The following MAD1L1 variants were observed in gnomAD, a reference collection of about 807,000 sequenced individuals.
MAD1L1 encodes mitotic spindle assembly checkpoint protein MAD1.
MAD1L1 carries 95 observed loss-of-function variants against 96.9 expected under a neutral mutation model. The observed-to-expected ratio is 0.98, with a 90% confidence interval of 0.83 to 1.16. The LOEUF is 1.16. MAD1L1 is among the 50% of genes most tolerant of loss of function. MAD1L1 has a pLI of 0.00. For synonymous variants in MAD1L1, 473 were observed against 396.6 expected, an observed-to-expected ratio of 1.19 and a Z score of -2.29; for missense variants, 1,007 against 954.4, an observed-to-expected ratio of 1.06 and a Z score of -0.73.
At chr7:1,888,711 G>A (rs113723808) in intron 18 of MAD1L1, among the ~76,000 whole-genome samples, 1 of 152,162 alleles carries the variant, frequency 6.6e-6, no homozygotes, top group African/African-American at 2.4e-5. Context: ...GTGTGTGGCT[G>A]CCCGTGCATG....
chr7:1,870,203 T>TGCTGAACCCAACATATGCCTGCCAC (rs1784979598), intron 18 of MAD1L1, among the ~76,000 whole-genome samples: 1 of 150,808 alleles, frequency 6.6e-6, no homozygotes, highest in Non-Finnish European at 1.5e-5. Flanking sequence ...ATGCCTGCCA[T>TGCTGAACCCAACATATGCCTGCCAC]GCTGAACCCA....
chr7:2,223,371 A>G (rs1793713380), intron 4 of MAD1L1: 1 of 152,230 alleles, frequency 6.6e-6, no homozygotes, highest in Non-Finnish European at 1.5e-5. Flanking sequence ...ACCAAGCACC[A>G]CGCTCAGACC....
At chr7:2,001,867 C>T (rs1304571568) in intron 14 of MAD1L1, among the ~76,000 whole-genome samples, 198 bp downstream of exon 14, 3 of 152,374 alleles carry the variant, frequency 2.0e-5, no homozygotes, top group Admixed American at 6.5e-5. Context: ...TGCTCCCCGC[C>T]GGCGCATGCC....
intron 12 of MAD1L1, among the ~76,000 whole-genome samples, chr7:2,061,898 C>T (rs1185283575): frequency 6.6e-6 from 1 of 152,174 alleles, no homozygotes; most frequent in African/African-American, 2.4e-5. Flanking sequence ...GTAATGGAAG[C>T]CAGGGACTAA....
intron 12 of MAD1L1, among the ~76,000 whole-genome samples, chr7:2,034,388 T>C (rs1018020852): frequency 3.9e-5 from 6 of 152,170 alleles, no homozygotes; most frequent in South Asian, 4.2e-4. Context: ...AGCTAATTTT[T>C]TGTATTTTAG....
intron 15 of MAD1L1, among the ~76,000 whole-genome samples, chr7:1,975,842 C>T (rs373052396): frequency 1.3e-5 from 2 of 152,174 alleles, no homozygotes; most frequent in African/African-American, 4.8e-5. Flanking sequence ...ATCACACGGC[C>T]GGGAAGCGAG....
At chr7:1,963,392 A>G (rs575124080) in intron 15 of MAD1L1, among the ~76,000 whole-genome samples, 111 of 152,254 alleles carry the variant, frequency 7.3e-4, no homozygotes, top group Non-Finnish European at 1.5e-3. Flanking sequence ...ATCTACAGTG[A>G]TGGAAAGCAC....
chr7:1,859,427 G>C lies in MAD1L1; in HGVS notation c.1998+38773C>G, dbSNP rs1216382014. Among the ~76,000 whole-genome samples the C allele has an allele frequency of 2.0e-5, 3 of 152,338 alleles. No homozygotes were observed. The South Asian group carries it at 6.2e-4, about 32-fold the overall frequency. The stretch of plus-strand genomic sequence containing the variant: ...GCAGAGCCACAGGGATATGTGTTTC[G>C]GCTACCGTGCAAAGGGCTTTGAAAA... On this transcript the variant is annotated intron_variant, in intron 18 of 18. Transcript: ENST00000265854.
intron 11 of MAD1L1, among the ~76,000 whole-genome samples, chr7:2,098,761 T>C (rs1175691772): frequency 1.3e-5 from 2 of 152,052 alleles, no homozygotes; most frequent in Non-Finnish European, 2.9e-5. Flanking sequence ...GCAATGAAGA[T>C]CTACACACCA....
chr7:2,152,153 G>A (rs1189103855), intron 10 of MAD1L1, among the ~76,000 whole-genome samples: 1 of 152,236 alleles, frequency 6.6e-6, no homozygotes, highest in Non-Finnish European at 1.5e-5. Flanking sequence ...GTCCCACACA[G>A]ACCCCAGCCC....
chr7:1,949,325 C>T (rs938308992), intron 16 of MAD1L1, among the ~76,000 whole-genome samples: 5 of 152,220 alleles, frequency 3.3e-5, no homozygotes, highest in East Asian at 3.9e-4. Context: ...CTGCCGGGCA[C>T]GCAAGCATCG....
intron 12 of MAD1L1, among the ~76,000 whole-genome samples, chr7:2,068,374 C>A (rs73048939): frequency 0.033 from 5,060 of 152,340 alleles, 184 homozygotes; most frequent in Admixed American, 0.095. Context: ...AAAAGCTCCA[C>A]AACCAAGAGG....
At chr7:2,125,307 C>T (rs1049052898) in intron 11 of MAD1L1, among the ~76,000 whole-genome samples, 2 of 152,150 alleles carry the variant, frequency 1.3e-5, no homozygotes, top group African/African-American at 4.8e-5. Flanking sequence ...CTTCTGATGA[C>T]TGGACAGATG....
At chr7:2,124,946 A>G (rs1466092452) in intron 11 of MAD1L1, among the ~76,000 whole-genome samples, 3 of 152,162 alleles carry the variant, frequency 2.0e-5, no homozygotes, top group East Asian at 3.9e-4. Context: ...CCAGGGCAGG[A>G]GACACCAGTG....
At chr7:2,157,163 T>C (rs1190068099) in intron 10 of MAD1L1, among the ~76,000 whole-genome samples, 2 of 152,352 alleles carry the variant, frequency 1.3e-5, no homozygotes, top group Non-Finnish European at 2.9e-5. Flanking sequence ...TCATTTGATA[T>C]ATACTGGAAC....
intron 18 of MAD1L1, among the ~76,000 whole-genome samples, chr7:1,869,123 T>C (rs993372968): frequency 6.6e-6 from 1 of 152,132 alleles, no homozygotes; most frequent in South Asian, 2.1e-4. Context: ...CAACGATCCA[T>C]GCCCAGGCAC....
At chr7:2,014,166 C>A (rs1164345755) in intron 13 of MAD1L1, among the ~76,000 whole-genome samples, 2 of 152,204 alleles carry the variant, frequency 1.3e-5, no homozygotes, top group Admixed American at 6.5e-5. Flanking sequence ...TTGGCAGATG[C>A]CCCTCACAGG....
chr7:1,984,043 G>C (rs1397087722), intron 14 of MAD1L1, among the ~76,000 whole-genome samples: 1 of 152,024 alleles, frequency 6.6e-6, no homozygotes, highest in African/African-American at 2.4e-5. Context: ...ATGCTTTCTT[G>C]TTCAATGATA....
chr7:2,216,317 GA>G (rs1218736650), intron 7 of MAD1L1, 30 bp from the exon 8 acceptor site: 3 of 1,602,040 alleles, frequency 1.9e-6, no homozygotes, highest in Non-Finnish European at 8.5e-7. Flanking sequence ...GAGAAGAAGG[GA>G]AAAATGAGCC....
Sources: gnomAD v4.1 joint callset for allele counts (sites outside exome capture counted in the v4.1 genomes callset) on GRCh38, gnomAD v4.1.1 for gene constraint, MANE v1.5 for transcripts, NCBI Gene and HGNC (gene_info 2026-07-23, HGNC 2026-07-21) for gene names.